CLASP1: variants seen among roughly 807,000 people sequenced by gnomAD.
CLASP1 encodes cytoplasmic linker associated protein 1, also known as CLIP-associating protein 1.
CLASP1 carries 38 observed loss-of-function variants against 192.3 expected under a neutral mutation model. That is an observed-to-expected ratio of 0.20 (90% CI 0.15 to 0.26). The LOEUF (loss-of-function observed/expected upper bound fraction) is 0.26, where lower values mean the gene tolerates loss of function less well. Ranked by LOEUF, CLASP1 falls within the 10% of genes least tolerant of loss-of-function variation. CLASP1 has a pLI of 1.00. For missense variants in CLASP1, 1,433 were observed against 1,932.5 expected (o/e 0.74, Z 4.85); for synonymous variants, 691 against 712.8 (o/e 0.97, Z 0.49).
chr2:121,350,986 A>T lies in CLASP1; in HGVS notation c.4207-2268T>A, dbSNP rs187943383. On this transcript the variant is annotated intron_variant, in intron 37 of 39. Coordinates refer to ENST00000263710, the Ensembl canonical transcript of CLASP1. ...TAGCAAGGAAAATGTATTCCAGAAA[A>T]TCTACTTGAACTGTCTGAGGCCAGG... Among the ~76,000 whole-genome samples the T allele has an allele frequency of 1.4e-4, 22 of 152,302 alleles. No homozygotes were observed. The East Asian group carries it at 1.7e-3, about 12-fold the overall frequency.
At chr2:121,505,163 G>A (rs1293842062) in intron 7 of CLASP1, 1 of 152,162 alleles carries the variant, frequency 6.6e-6, no homozygotes, top group Non-Finnish European at 1.5e-5. Flanking sequence ...GCAAGTTAGA[G>A]CCAAGGTATA....
intron 1 of CLASP1, among the ~76,000 whole-genome samples, chr2:121,622,804 C>T (rs1251844813): frequency 2.0e-5 from 3 of 152,158 alleles, no homozygotes; most frequent in Non-Finnish European, 4.4e-5. Context: ...TATACAAGAT[C>T]ATACCATCTG....
At chr2:121,523,122 C>T (rs1292037589) in intron 6 of CLASP1, among the ~76,000 whole-genome samples, 1 of 152,244 alleles carries the variant, frequency 6.6e-6, no homozygotes, top group Non-Finnish European at 1.5e-5. Context: ...TCAGCTATTA[C>T]ATGCAAAGCA....
At chr2:121,593,890 T>A (rs1445802414) in intron 2 of CLASP1, among the ~76,000 whole-genome samples, 2 of 151,636 alleles carry the variant, frequency 1.3e-5, no homozygotes, top group Non-Finnish European at 2.9e-5. Flanking sequence ...ATGCCTGTGA[T>A]CCCAGCTACT....
chr2:121,353,951 A>G (rs1229794674), intron 37 of CLASP1, among the ~76,000 whole-genome samples: 1 of 152,054 alleles, frequency 6.6e-6, no homozygotes, highest in African/African-American at 2.4e-5. Context: ...TAATATTTTA[A>G]GTTTTTTGTA....
chr2:121,487,093 C>T (rs1559402393), intron 8 of CLASP1, among the ~76,000 whole-genome samples: 1 of 152,124 alleles, frequency 6.6e-6, no homozygotes, highest in South Asian at 2.1e-4. Flanking sequence ...TTTGTCCAGG[C>T]CAAAATATGG....
intron 21 of CLASP1, 65 bp downstream of exon 21, chr2:121,427,339 C>T (rs1241157904): frequency 2.7e-5 from 42 of 1,562,062 alleles, no homozygotes; most frequent in Non-Finnish European, 3.5e-5. Flanking sequence ...GTGCAAGGAA[C>T]ATGGGGTCGG....
intron 34 of CLASP1, among the ~76,000 whole-genome samples, chr2:121,373,746 G>C (rs181473556): frequency 5.5e-4 from 84 of 152,356 alleles, no homozygotes; most frequent in South Asian, 3.7e-3. Flanking sequence ...TTGAAGTTGA[G>C]AGAGATGATT....
intron 2 of CLASP1, among the ~76,000 whole-genome samples, chr2:121,598,755 A>C (rs934919465): frequency 1.3e-5 from 2 of 152,252 alleles, no homozygotes; most frequent in Non-Finnish European, 2.9e-5. Flanking sequence ...CTAAGTAAGG[A>C]ATAAATGGTA....
rs2067690118 is a variant in CLASP1, at chr2:121,367,652, G to A, written c.3822C>T (p.Asn1274=). 7 of 1,613,940 alleles carry A rather than the reference G, an allele frequency of 4.3e-6. No individual in the cohort carries two copies. The Admixed American group carries it at 5.0e-5, about 12-fold the overall frequency. Residue 1274 remains asparagine (N), a synonymous_variant, in exon 35 of 40, where the codon AAC becomes AAT. Transcript: ENST00000263710. ...CTTTCAGGGCGGTCTTGTCGTAGGT[G>A]TTGATGGCATCTGAGTAGGGGTACG...
intron 6 of CLASP1, 117 bp downstream of exon 6, chr2:121,525,728 T>G: frequency 1.5e-6 from 1 of 681,044 alleles, no homozygotes; most frequent in South Asian, 1.7e-5. Flanking sequence ...ATCTCTTAAA[T>G]AATCATCAGT....
At chr2:121,523,090 C>T (rs958076698) in intron 6 of CLASP1, among the ~76,000 whole-genome samples, 2 of 152,202 alleles carry the variant, frequency 1.3e-5, no homozygotes, top group Admixed American at 6.5e-5. Context: ...AACTGAGGCT[C>T]AAGATGCAAG....
chr2:121,448,749 C>T (rs767176945), intron 17 of CLASP1, among the ~76,000 whole-genome samples: 2 of 152,148 alleles, frequency 1.3e-5, no homozygotes, highest in Non-Finnish European at 2.9e-5. Context: ...ATACATTTAA[C>T]TGAAAAACAG....
In CLASP1 at chr2:121,411,800, G is replaced by A. The variant is rs543997118; in HGVS notation, c.2321-831C>T. Among the ~76,000 whole-genome samples, 3 of 152,262 alleles carry A rather than the reference G, an allele frequency of 2.0e-5. No homozygotes were observed. The South Asian group carries it at 6.2e-4, about 32-fold the overall frequency. ...GACCAACCTTCCTTAGGAAGTGCTG[G>A]AGATTAAAACTATACTAGGAGAAAG... On this transcript the variant is annotated intron_variant, in intron 23 of 39. Coordinates refer to ENST00000263710, the Ensembl canonical transcript of CLASP1.
chr2:121,431,364 T>C (rs749869082), intron 19 of CLASP1, among the ~76,000 whole-genome samples: 8 of 152,170 alleles, frequency 5.3e-5, no homozygotes, highest in Non-Finnish European at 1.2e-4. Context: ...CCTCACAGCA[T>C]ATAAAGTAAT....
chr2:121,577,687 T>C (rs577993697), intron 2 of CLASP1, among the ~76,000 whole-genome samples: 25 of 152,290 alleles, frequency 1.6e-4, no homozygotes, highest in African/African-American at 6.0e-4. Flanking sequence ...TCCTCAAATT[T>C]AAAATGAGGT....
At chr2:121,346,142 T>TG (rs1412107934) in intron 39 of CLASP1, among the ~76,000 whole-genome samples, 1 of 152,246 alleles carries the variant, frequency 6.6e-6, no homozygotes, top group Non-Finnish European at 1.5e-5. Context: ...CAGGCGCTTC[T>TG]GGTTTCATGT....
At chr2:121,387,844 A>C in exon 31 of CLASP1, 1 of 1,613,046 alleles carries the variant, frequency 6.2e-7, no homozygotes, top group Non-Finnish European at 8.5e-7. Context: ...GCAAGGCACC[A>C]AGTAACATGG....
intron 33 of CLASP1, among the ~76,000 whole-genome samples, chr2:121,380,218 A>G (rs544468064): frequency 2.0e-5 from 3 of 152,302 alleles, no homozygotes; most frequent in Non-Finnish European, 2.9e-5. Context: ...GAGGGTAGAT[A>G]TTGTGTCCTC....
Sources: allele counts gnomAD v4.1 joint callset (sites outside exome capture counted in the v4.1 genomes callset), GRCh38; gene constraint gnomAD v4.1.1; transcripts MANE v1.5; gene names NCBI Gene and HGNC (gene_info 2026-07-23, HGNC 2026-07-21).